NFATC3: variants seen among roughly 807,000 people sequenced by gnomAD.
NFATC3 encodes the protein nuclear factor of activated T-cells, cytoplasmic 3.
In NFATC3, 46 loss-of-function variants were observed where a neutral mutation model predicts 98.6. The ratio of observed to expected loss-of-function variants is 0.47; its 90% CI spans 0.37 to 0.60. NFATC3 has a LOEUF of 0.60. Among genes scored for constraint, NFATC3 ranks in the 20% least tolerant of loss-of-function variants. The pLI is 0.00. For synonymous variants in NFATC3, 512 were observed against 472.2 expected, an observed-to-expected ratio of 1.08 and a Z score of -1.09; for missense variants, 1,256 against 1,295.5, an observed-to-expected ratio of 0.97 and a Z score of 0.47.
intron 9 of NFATC3, among the ~76,000 whole-genome samples, chr16:68,212,947 G>A (rs971677259): frequency 1.4e-5 from 2 of 145,180 alleles, no homozygotes; most frequent in African/African-American, 5.1e-5. Context: ...CCGCCACCAC[G>A]CCTGGCTGAT....
At chr16:68,087,441 T>C (rs1388763563) in intron 1 of NFATC3, among the ~76,000 whole-genome samples, 2 of 152,246 alleles carry the variant, frequency 1.3e-5, no homozygotes, top group Non-Finnish European at 1.5e-5. Flanking sequence ...AGGAGTTATC[T>C]GTAACTTGAT....
At chr16:68,156,979 CTT>C (rs994035275) in intron 3 of NFATC3, among the ~76,000 whole-genome samples, 1 of 151,930 alleles carries the variant, frequency 6.6e-6, no homozygotes, top group Non-Finnish European at 1.5e-5. Flanking sequence ...TAGAGGGAAA[CTT>C]AGTGTGATTA....
chr16:68,099,325 C>G (rs2035214865), intron 1 of NFATC3, among the ~76,000 whole-genome samples: 1 of 151,906 alleles, frequency 6.6e-6, no homozygotes, highest in Non-Finnish European at 1.5e-5. Flanking sequence ...GTCCCAGCTA[C>G]TCGGGAGGCT....
chr16:68,209,429 T>C (rs1462416998), intron 9 of NFATC3: 1 of 171,292 alleles, frequency 5.8e-6, no homozygotes, highest in Admixed American at 6.3e-5. Flanking sequence ...CTTGGGTGCA[T>C]TCAAGATTCA....
chr16:68,122,330 C>G lies in NFATC3; in HGVS notation c.447C>G (p.Leu149=). The G allele has an allele frequency of 1.2e-6, 2 of 1,614,172 alleles. No individual in the cohort carries two copies. Among genetic ancestry groups the G allele is most frequent in the South Asian group, 2.2e-5 (2 of 91,080 alleles). ...TGGAAAGGCCTTCTAGAGATCATCT[C>G]TATCTTCCTCTTGAGCCATCCTACC... ...EFLERPSRDH[L]YLPLEPSYRE... The change falls in exon 2 of 10, where the codon CTC becomes CTG. Residue 149 remains leucine, a synonymous_variant. Transcript: ENST00000346183.
chr16:68,211,219 C>T (rs1213987762), intron 9 of NFATC3, among the ~76,000 whole-genome samples: 1 of 151,816 alleles, frequency 6.6e-6, no homozygotes, highest in Non-Finnish European at 1.5e-5. Flanking sequence ...GATGGAGTCT[C>T]GCTCTGTCGC....
At chr16:68,091,796 G>A (rs1006748309) in intron 1 of NFATC3, among the ~76,000 whole-genome samples, 14 of 152,196 alleles carry the variant, frequency 9.2e-5, no homozygotes, top group African/African-American at 3.1e-4. Context: ...TGGGTCAGGG[G>A]AGTAGACACA....
intron 3 of NFATC3, among the ~76,000 whole-genome samples, chr16:68,129,420 G>A (rs946401278): frequency 3.9e-5 from 6 of 152,166 alleles, no homozygotes; most frequent in African/African-American, 1.4e-4. Flanking sequence ...CTTAACCAGA[G>A]TATGTCTGAA....
chr16:68,086,529 G>A (rs1430798794), intron 1 of NFATC3: 1 of 425,482 alleles, frequency 2.4e-6, no homozygotes, highest in African/African-American at 2.2e-5. Context: ...ATGCTTGCAG[G>A]TCAGACCAAT....
intron 3 of NFATC3, chr16:68,138,508 C>T (rs2037567159): frequency 7.9e-7 from 1 of 1,271,904 alleles, no homozygotes; most frequent in Non-Finnish European, 1.0e-6. Context: ...AATTGTTGCT[C>T]AGGAATCCAA....
chr16:68,190,918 C>G lies in NFATC3; in HGVS notation c.2249C>G (p.Ser750Cys), dbSNP rs767764461. The change falls in exon 9 of 10, where the codon TCC (serine) becomes TGC (cysteine). Residue 750 changes from serine (S) to cysteine (C), a missense_variant. Coordinates refer to ENST00000346183, the MANE Select transcript of NFATC3 (RefSeq NM_173165.3). ...TCAGGACAGAGAAGTTTGATTTGCT[C>G]CATCCCACAAACATATGCATCCATG... Reference protein sequence around the residue: ...VLSGQRSLICSIPQTYASMVT... With the variant: ...VLSGQRSLICCIPQTYASMVT... 2 of 1,614,180 alleles carry G rather than the reference C, an allele frequency of 1.2e-6. No individual in the cohort carries two copies. Among genetic ancestry groups the G allele is most frequent in the East Asian group, 2.2e-5 (1 of 44,886 alleles).
intron 1 of NFATC3, among the ~76,000 whole-genome samples, chr16:68,099,837 C>T (rs1027556458): frequency 1.6e-4 from 25 of 152,038 alleles, no homozygotes; most frequent in Non-Finnish European, 2.9e-5. Context: ...GGGACAGGGT[C>T]TCACTAGGTT....
At chr16:68,208,383 A>G (rs2041236867) in intron 9 of NFATC3, among the ~76,000 whole-genome samples, 1 of 152,046 alleles carries the variant, frequency 6.6e-6, no homozygotes, top group South Asian at 2.1e-4. Context: ...ATTCCTAAGT[A>G]TTTTATTCTT....
rs1185219425 is a variant in NFATC3, at chr16:68,229,046, A to T, written c.*2575A>T. 1 of 152,192 alleles carries T rather than the reference A, an allele frequency of 6.6e-6. No individual in the cohort carries two copies. Among genetic ancestry groups the T allele is most frequent in the African/African-American group, 2.4e-5 (1 of 41,434 alleles). 9.4% of individuals were successfully genotyped at this position (152,192 alleles called of 1,614,324 possible). ...TTAAGGCTCAGATGGGCTCAAATTGAAACCTTGTGTTTTATAAAATGGATG... is the reference window on the plus strand; with the variant it reads ...TTAAGGCTCAGATGGGCTCAAATTGTAACCTTGTGTTTTATAAAATGGATG... On this transcript the variant is annotated 3_prime_UTR_variant, in exon 10 of 10. Transcript: ENST00000346183.
intron 3 of NFATC3, chr16:68,138,596 A>C: frequency 1.6e-6 from 2 of 1,289,206 alleles, no homozygotes; most frequent in Non-Finnish European, 2.0e-6. Context: ...TATGGAAAGC[A>C]CTCAAGATAC....
At chr16:68,143,209 T>TAA (rs5817630) in intron 3 of NFATC3, among the ~76,000 whole-genome samples, 1,044 of 49,676 alleles carry the variant, frequency 0.021, 27 homozygotes, top group African/African-American at 0.058. Context: ...AAGACCATGC[T>TAA]AAAAAAAAAA....
In NFATC3 at chr16:68,123,626, A is replaced by G. The variant is rs143543060; in HGVS notation, c.1238+505A>G. Among the ~76,000 whole-genome samples, 345 of 151,990 alleles carry G rather than the reference A, an allele frequency of 2.3e-3. 1 individual carries two copies. Among genetic ancestry groups the G allele is most frequent in the African/African-American group, 7.8e-3 (324 of 41,446 alleles). On this transcript the variant is annotated intron_variant, in intron 2 of 9. Coordinates refer to ENST00000346183, the MANE Select transcript of NFATC3 (RefSeq NM_173165.3). ...GGCTGCAGTGAAACATGATTATGCC[A>G]TTGTACTCCATCCTGTTTCTACCAA... is the stretch of plus-strand genomic sequence containing the variant.
intron 1 of NFATC3, among the ~76,000 whole-genome samples, chr16:68,086,075 T>C (rs1447071448): frequency 6.6e-6 from 1 of 152,236 alleles, no homozygotes; most frequent in Non-Finnish European, 1.5e-5. Context: ...AAGTGGCGTC[T>C]GGTTGTCGTT....
chr16:68,192,538 A>G (rs931665444), intron 9 of NFATC3, among the ~76,000 whole-genome samples: 1 of 151,976 alleles, frequency 6.6e-6, no homozygotes, highest in Non-Finnish European at 1.5e-5. Flanking sequence ...ATGAAGCTAG[A>G]TGCTGGGAAT....
Sources: gnomAD v4.1 joint callset for allele counts (sites outside exome capture counted in the v4.1 genomes callset) on GRCh38, gnomAD v4.1.1 for gene constraint, MANE v1.5 for transcripts, NCBI Gene and HGNC (gene_info 2026-07-23, HGNC 2026-07-21) for gene names.